Variants in FAT1 observed in about 807,000 individuals in gnomAD.
FAT1 encodes the protein protocadherin Fat 1.
In FAT1, 171 loss-of-function variants were observed where a neutral mutation model predicts 329.8. That is an observed-to-expected ratio of 0.52 (90% CI 0.46 to 0.59). FAT1 has a LOEUF of 0.59. FAT1 is among the 20% of genes least tolerant of loss of function. The probability of loss-of-function intolerance (pLI) is 0.00; values close to 1 mark genes in which losing one functional copy is unlikely to be tolerated. For missense variants in FAT1, 5,672 were observed against 5,774.4 expected (o/e 0.98, Z 0.57); for synonymous variants, 2,233 against 2,228.6 (o/e 1.00, Z -0.06).
chr4:186,632,051 C>T (rs1270993950), intron 7 of FAT1, among the ~76,000 whole-genome samples: 5 of 152,206 alleles, frequency 3.3e-5, no homozygotes, highest in Non-Finnish European at 5.9e-5. Flanking sequence ...ATAGCATCTA[C>T]AGCCTATGAC....
chr4:186,667,946 C>T (rs76735653), intron 2 of FAT1, among the ~76,000 whole-genome samples: 90 of 152,242 alleles, frequency 5.9e-4, no homozygotes, highest in African/African-American at 2.0e-3. Flanking sequence ...GCAACACTGT[C>T]GGACACCAAA....
chr4:186,642,255 C>T lies in FAT1; in HGVS notation c.3581-2472G>A, dbSNP rs565333632. ...TAAACTTTTAAACTCACTGCAGGGC[C>T]TGGCGTGGGTTCCTGCTGCTGCATT... On this transcript the variant is annotated intron_variant, in intron 3 of 26. Transcript: ENST00000441802. Among the ~76,000 whole-genome samples the T allele has an allele frequency of 5.9e-5, 9 of 152,272 alleles. No homozygotes were observed. The East Asian group carries it at 1.7e-3, about 29-fold the overall frequency.
intron 3 of FAT1, among the ~76,000 whole-genome samples, chr4:186,650,276 C>T (rs1741575498): frequency 6.6e-6 from 1 of 152,166 alleles, no homozygotes; most frequent in Non-Finnish European, 1.5e-5. Context: ...CAAAATATGA[C>T]ACAAATTATA....
chr4:186,712,438 T>A (rs371045855), intron 1 of FAT1, among the ~76,000 whole-genome samples: 3 of 152,082 alleles, frequency 2.0e-5, no homozygotes, highest in African/African-American at 7.2e-5. Context: ...TCCTTTTACA[T>A]AGGTTTAATG....
At chr4:186,681,094 A>G (rs1743185706) in intron 2 of FAT1, among the ~76,000 whole-genome samples, 1 of 152,186 alleles carries the variant, frequency 6.6e-6, no homozygotes, top group Non-Finnish European at 1.5e-5. Flanking sequence ...AGAGGGAAAC[A>G]AGAGTGAATG....
At chr4:186,698,456 G>A (rs546955668) in intron 2 of FAT1, among the ~76,000 whole-genome samples, 4 of 152,338 alleles carry the variant, frequency 2.6e-5, no homozygotes, top group South Asian at 2.1e-4. Flanking sequence ...GGAAAGGCGC[G>A]TGTAAATAAA....
rs1560962381 is a variant in FAT1 at position 186,645,395 on chromosome 4, A to C, written c.3581-5612T>G. On this transcript the variant is annotated intron_variant, in intron 3 of 26. Transcript: ENST00000441802. ...TATATATATATATATATATATATAT[A>C]TATATATATATATATATATATATAT... 4.6e-3 allele frequency among the ~76,000 whole-genome samples: 493 copies of C among 107,320 alleles called. 21 individuals carry two copies. The highest frequency in any genetic ancestry group is 0.011 in the African/African-American group (285 of 26,992). 70.4% of individuals were successfully genotyped at this position (107,320 alleles called of 152,430 possible).
chr4:186,715,155 G>A (rs1249070369), intron 1 of FAT1, among the ~76,000 whole-genome samples: 2 of 147,218 alleles, frequency 1.4e-5, no homozygotes, highest in African/African-American at 5.4e-5. Flanking sequence ...CTCTGGCACT[G>A]TTCCATCCCC....
At chr4:186,668,639 A>G (rs1742578302) in intron 2 of FAT1, among the ~76,000 whole-genome samples, 1 of 152,186 alleles carries the variant, frequency 6.6e-6, no homozygotes, top group Admixed American at 6.5e-5. Flanking sequence ...TTTACTCATT[A>G]AGTCATTAGC....
At chr4:186,593,348 A>G (rs1738334507) in intron 26 of FAT1, among the ~76,000 whole-genome samples, 1 of 152,130 alleles carries the variant, frequency 6.6e-6, no homozygotes, top group South Asian at 2.1e-4. Context: ...TTCCCTTTTC[A>G]TTTGTGTATC....
chr4:186,685,883 C>T (rs962175263), intron 2 of FAT1, among the ~76,000 whole-genome samples: 2 of 152,172 alleles, frequency 1.3e-5, no homozygotes, highest in Non-Finnish European at 2.9e-5. Flanking sequence ...GTAAGCACAC[C>T]GGTTGTGAGA....
rs116685430 is a variant in FAT1 at position 186,712,394 on chromosome 4, A to G, written c.-18-2549T>C. Among the ~76,000 whole-genome samples the G allele has an allele frequency of 7.7e-3, 1,170 of 152,052 alleles. 19 individuals carry two copies. Among genetic ancestry groups the G allele is most frequent in the African/African-American group, 0.027 (1,123 of 41,468 alleles). On this transcript the variant is annotated intron_variant, in intron 1 of 26. Coordinates refer to ENST00000441802, the MANE Select transcript of FAT1 (RefSeq NM_005245.4). ...TTTAGCATGAGTATGTGTTGTCTTT[A>G]TCATCCACTCACCCCTTTCATTAAT...
intron 1 of FAT1, among the ~76,000 whole-genome samples, chr4:186,713,636 A>G (rs1745071176): frequency 1.3e-5 from 2 of 152,090 alleles, no homozygotes; most frequent in African/African-American, 4.8e-5. Context: ...TGATTTGTCT[A>G]TCTTCCTCCA....
chr4:186,717,379 A>C (rs968245843), intron 1 of FAT1, among the ~76,000 whole-genome samples: 1 of 152,184 alleles, frequency 6.6e-6, no homozygotes, highest in Admixed American at 6.5e-5. Context: ...TCATTTAATC[A>C]CTTCTGCTAA....
At chr4:186,659,641 C>T (rs1010856311) in intron 3 of FAT1, among the ~76,000 whole-genome samples, 1 of 149,624 alleles carries the variant, frequency 6.7e-6, no homozygotes, top group African/African-American at 2.5e-5. Flanking sequence ...CTGAACAACC[C>T]TGGGCGCTCC....
At chr4:186,692,323 A>ATTTTT (rs59626897) in intron 2 of FAT1, among the ~76,000 whole-genome samples, 51 of 151,774 alleles carry the variant, frequency 3.4e-4, no homozygotes, top group African/African-American at 1.1e-3. Flanking sequence ...TTATTTATTT[A>ATTTTT]TTTTTTTGAG....
In FAT1 at chr4:186,620,073, C is replaced by A; in HGVS notation, c.6513G>T (p.Pro2171=). The A allele has an allele frequency of 6.2e-7, 1 of 1,613,970 alleles. No individual in the cohort carries two copies. Among genetic ancestry groups the A allele is most frequent in the Non-Finnish European group, 8.5e-7 (1 of 1,179,888 alleles). Residue 2171 remains proline, a synonymous_variant, in exon 10 of 27, where the codon CCG becomes CCT. Coordinates refer to ENST00000441802, the MANE Select transcript of FAT1 (RefSeq NM_005245.4). The stretch of plus-strand genomic sequence containing the variant: ...GCATGGCTTTATTCATGACAGTGAT[C>A]GGAACGATAACTTCCGCTGAAAAGG... The part of the protein sequence containing the change: ...NPAFSAEVIV[P]ITVMNKAMPV...
chr4:186,608,774 T>A (rs927389850), intron 16 of FAT1, among the ~76,000 whole-genome samples: 1 of 152,174 alleles, frequency 6.6e-6, no homozygotes, highest in South Asian at 2.1e-4. Flanking sequence ...ATTACTCCAA[T>A]ACAACTGGGT....
chr4:186,593,521 T>C (rs1373661311), intron 26 of FAT1, among the ~76,000 whole-genome samples: 4 of 152,182 alleles, frequency 2.6e-5, no homozygotes, highest in Non-Finnish European at 5.9e-5. Context: ...GAAATTGAGA[T>C]GAGGGATTTC....
Sources: gnomAD v4.1 joint callset for allele counts (sites outside exome capture counted in the v4.1 genomes callset) on GRCh38, gnomAD v4.1.1 for gene constraint, MANE v1.5 for transcripts, NCBI Gene and HGNC (gene_info 2026-07-23, HGNC 2026-07-21) for gene names.